The following KIR3DL2 variants were observed in gnomAD, a reference collection of about 807,000 sequenced individuals.
KIR3DL2 encodes the protein killer cell immunoglobulin like receptor, three Ig domains and long cytoplasmic tail 2.
KIR3DL2 carries 42 observed loss-of-function variants against 41.6 expected under a neutral mutation model. The ratio of observed to expected loss-of-function variants is 1.01; its 90% CI spans 0.79 to 1.31. The LOEUF is 1.31. KIR3DL2 is among the 50% of genes most tolerant of loss of function. The pLI is 0.00. For missense variants in KIR3DL2, 728 were observed against 576.8 expected (o/e 1.26, Z -2.68); for synonymous variants, 230 against 221.3 (o/e 1.04, Z -0.35).
In KIR3DL2 at chr19:54,853,967, C is replaced by A; in HGVS notation, c.576C>A (p.Thr192=). The A allele has an allele frequency of 6.8e-6, 11 of 1,613,386 alleles. No homozygotes were observed. The highest frequency in any genetic ancestry group is 8.5e-6 in the Non-Finnish European group (10 of 1,179,854). Residue 192 remains threonine (T), a synonymous_variant, in exon 4 of 9, where the codon ACC becomes ACA. Transcript: ENST00000326321. ...IGPLMPVLAG[T]YRCYGSVPHS... is the part of the protein sequence containing the mutation. ...CCTTGATGCCTGTCCTTGCAGGAACCTACAGATGTTATGGTTCTGTTCCTC... is the reference window on the plus strand; with the variant it reads ...CCTTGATGCCTGTCCTTGCAGGAACATACAGATGTTATGGTTCTGTTCCTC...
chr19:54,852,207 A>G lies in KIR3DL2; in HGVS notation c.280A>G (p.Arg94Gly). Residue 94 changes from arginine to glycine, a missense_variant, in exon 3 of 9, where the codon AGA (arginine) becomes GGA (glycine). Physicochemically the swap from Arg to Gly is moderately radical, Grantham distance 125 (BLOSUM62 -2). Coordinates refer to ENST00000326321, the MANE Select transcript of KIR3DL2 (RefSeq NM_006737.4). Reference sequence around the variant, plus strand: ...GACCCCAGCACATGCAGGGACCTACAGATGTCGGGGTTCACGCCCACACTC... The same window carrying G: ...GACCCCAGCACATGCAGGGACCTACGGATGTCGGGGTTCACGCCCACACTC... Reference protein sequence around the residue: ...PVTPAHAGTYRCRGSRPHSLT... With the variant: ...PVTPAHAGTYGCRGSRPHSLT... 1 of 1,612,196 alleles carries G rather than the reference A, an allele frequency of 6.2e-7. No individual in the cohort carries two copies. The highest frequency in any genetic ancestry group is 8.5e-7 in the Non-Finnish European group (1 of 1,179,164).
At chr19:54,856,787 C>T (rs2145633952) in intron 5 of KIR3DL2, among the ~76,000 whole-genome samples, 1 of 151,994 alleles carries the variant, frequency 6.6e-6, no homozygotes, top group African/African-American at 2.4e-5. Flanking sequence ...TGAGATCCAC[C>T]TTTTATCTCC....
chr19:54,866,259 G>A (rs903553244), intron 7 of KIR3DL2, 111 bp from the exon 8 acceptor site: 1 of 1,054,982 alleles, frequency 9.5e-7, no homozygotes, highest in Non-Finnish European at 1.4e-6. Flanking sequence ...GATGTTGGCA[G>A]CTGAAGAGCC....
rs138402445 is a variant in KIR3DL2, at chr19:54,865,888, C to T, written c.1084C>T (p.Arg362Cys). The T allele has an allele frequency of 1.7e-5, 28 of 1,612,956 alleles. No homozygotes were observed. Among genetic ancestry groups the T allele is most frequent in the Non-Finnish European group, 2.1e-5 (25 of 1,179,384 alleles). Residue 362 changes from arginine to cysteine, a missense_variant, in exon 7 of 9, where the codon CGC becomes TGC. Arg to Cys is a radical substitution (Grantham distance 180, BLOSUM62 -3). Coordinates refer to ENST00000326321, the MANE Select transcript of KIR3DL2 (RefSeq NM_006737.4). ...CCTCCTCCTCTTCTTTCTCCTTTAT[C>T]GCTGGTGCTCCAACAAAAAGAGTAA... ...FILLLFFLLY[R>C]WCSNKKNAAV...
Position 54,854,555 on chromosome 19 carries a change from A to T in KIR3DL2, c.655+509A>T, listed in dbSNP as rs1252835328. ...AATTATCCCAGGATATCATGGCCCC[A>T]GAACACCAACCCCTAAATACTGTGT... On this transcript the variant is annotated intron_variant, in intron 4 of 8. Transcript: ENST00000326321. Among the ~76,000 whole-genome samples the T allele has an allele frequency of 2.0e-5, 3 of 151,808 alleles. 1 individual carries two copies. Among genetic ancestry groups the T allele is most frequent in the African/African-American group, 7.3e-5 (3 of 41,132 alleles).
At chr19:54,856,038 G>GC in intron 5 of KIR3DL2, 126 bp downstream of exon 5, 1 of 1,227,716 alleles carries the variant, frequency 8.1e-7, no homozygotes, top group South Asian at 1.4e-5. Flanking sequence ...TGTGAGGGGG[G>GC]GGTCAGGGTG....
rs772426121 is a variant in KIR3DL2 at position 54,866,392 on chromosome 19, G to A, written c.1128G>A (p.Glu376=). ...CAGATGCTGCTGTAATGGACCAAGAGCCTGCGGGGGACAGAACAGTGAATA... is the reference window on the plus strand; with the variant it reads ...CAGATGCTGCTGTAATGGACCAAGAACCTGCGGGGGACAGAACAGTGAATA... ...NKKNAAVMDQ[E]PAGDRTVNRQ... The change falls in exon 8 of 9, where the codon GAG becomes GAA. Residue 376 remains glutamate, a synonymous_variant. Transcript: ENST00000326321. The A allele has an allele frequency of 5.6e-6, 9 of 1,613,980 alleles. No homozygotes were observed. Among genetic ancestry groups the A allele is most frequent in the Non-Finnish European group, 5.1e-6 (6 of 1,179,968 alleles).
intron 6 of KIR3DL2, among the ~76,000 whole-genome samples, chr19:54,862,117 C>T (rs1207113974): frequency 3.9e-5 from 6 of 152,240 alleles, no homozygotes; most frequent in Middle Eastern, 6.8e-3. Context: ...AGGGGGTGGT[C>T]TTTCCCCCAG....
intron 4 of KIR3DL2, among the ~76,000 whole-genome samples, chr19:54,854,889 A>T (rs1464357851): frequency 1.3e-5 from 2 of 151,798 alleles, no homozygotes; most frequent in African/African-American, 4.9e-5. Context: ...TTCCAAATAG[A>T]ACTAGAGAGA....
intron 6 of KIR3DL2, among the ~76,000 whole-genome samples, chr19:54,862,744 C>T (rs1484451171): frequency 6.7e-6 from 1 of 148,518 alleles, no homozygotes; most frequent in Non-Finnish European, 1.5e-5. Flanking sequence ...GATCTCAGGA[C>T]GTTGCTGTCT....
rs377207985 is a variant in KIR3DL2 at position 54,866,696 on chromosome 19, C to T, written c.1333C>T (p.Arg445Ter). Residue 445 changes from arginine to a stop codon, truncating the protein, a stop_gained, in exon 9 of 9, where the codon CGA becomes TGA. Transcript: ENST00000326321. LOFTEE classifies it low-confidence loss of function (END_TRUNC). ...CAGATCCAAAGTTGTCTCCTGCCCA[C>T]GAGCACCACAGTCAGGTCTTGAGGG... ...EPRSKVVSCP[R>*]APQSGLEGVF 111 of 1,613,776 alleles carry T rather than the reference C, an allele frequency of 6.9e-5. No individual in the cohort carries two copies. The highest frequency in any genetic ancestry group is 2.3e-4 in the South Asian group (21 of 91,078).
intron 1 of KIR3DL2, 59 bp from the exon 2 acceptor site, chr19:54,851,161 G>A (rs1390796363): frequency 1.4e-5 from 22 of 1,594,838 alleles, no homozygotes; most frequent in African/African-American, 8.2e-5. Flanking sequence ...TGCAGTGGGG[G>A]CAGCAGGGTG....
intron 2 of KIR3DL2, 76 bp from the exon 3 acceptor site, chr19:54,851,922 G>C: frequency 6.4e-7 from 1 of 1,561,732 alleles, no homozygotes; most frequent in Non-Finnish European, 8.7e-7. Context: ...GCGGAAATGG[G>C]AGAATCTTCT....
At chr19:54,856,240 C>T (rs1435985681) in intron 5 of KIR3DL2, among the ~76,000 whole-genome samples, 1 of 151,488 alleles carries the variant, frequency 6.6e-6, no homozygotes, top group East Asian at 1.9e-4. Context: ...AGAAGCCCAT[C>T]CTGGCCTCTC....
In KIR3DL2 at chr19:54,865,443, G is replaced by A. The variant is rs2065436759; in HGVS notation, c.1001-362G>A. ...ACAACCAGCCCTCCGGGAACTAATA[G>A]AGGGGGAACTTGCTAACCCCATCAT... On this transcript the variant is annotated intron_variant, in intron 6 of 8. Coordinates refer to ENST00000326321, the MANE Select transcript of KIR3DL2 (RefSeq NM_006737.4). 2.0e-5 allele frequency among the ~76,000 whole-genome samples: 3 copies of A among 152,084 alleles called. No individual in the cohort carries two copies. The South Asian group carries it at 6.2e-4, about 32-fold the overall frequency.
chr19:54,850,489 T>C lies in KIR3DL2; in HGVS notation c.14T>C (p.Val5Ala). MSLT[V>A]VSMACVGFFL... ...ACCGGCAGCACCATGTCGCTCACGG[T>C]CGTCAGCATGGCGTGCGTTGGTGAG... is the stretch of plus-strand genomic sequence containing the variant. The change falls in exon 1 of 9, where the codon GTC becomes GCC. Residue 5 changes from valine to alanine, a missense_variant. Coordinates refer to ENST00000326321, the MANE Select transcript of KIR3DL2 (RefSeq NM_006737.4). The C allele has an allele frequency of 6.2e-7, 1 of 1,608,674 alleles. No individual in the cohort carries two copies.
At chr19:54,864,544 T>G (rs1238012916) in intron 6 of KIR3DL2, among the ~76,000 whole-genome samples, 3 of 152,050 alleles carry the variant, frequency 2.0e-5, no homozygotes, top group Non-Finnish European at 2.9e-5. Flanking sequence ...GAGCAGTGGT[T>G]TGTAGTTCTC....
chr19:54,862,591 G>T (rs1259142792), intron 6 of KIR3DL2, among the ~76,000 whole-genome samples: 2 of 152,032 alleles, frequency 1.3e-5, no homozygotes, highest in Non-Finnish European at 2.9e-5. Flanking sequence ...CTCATTTGCA[G>T]TGTATCTGGG....
chr19:54,850,472 C>A lies in KIR3DL2; in HGVS notation c.-4C>A, dbSNP rs769414712. ...CGCGGCCTCCTGTCTGCACCGGCAG[C>A]ACCATGTCGCTCACGGTCGTCAGCA... On this transcript the variant is annotated 5_prime_UTR_variant, in exon 1 of 9. Transcript: ENST00000326321. 7 of 1,608,738 alleles carry A rather than the reference C, an allele frequency of 4.4e-6. No individual in the cohort carries two copies. The highest frequency in any genetic ancestry group is 3.3e-4 in the Middle Eastern group (2 of 6,072).
Sources: gnomAD v4.1 joint callset for allele counts (sites outside exome capture counted in the v4.1 genomes callset) on GRCh38, gnomAD v4.1.1 for gene constraint, MANE v1.5 for transcripts, NCBI Gene and HGNC (gene_info 2026-07-23, HGNC 2026-07-21) for gene names.